The following PXDC1 variants were observed in gnomAD, a reference collection of about 807,000 sequenced individuals.
PXDC1 encodes the protein PX domain-containing protein 1.
In PXDC1, 13 loss-of-function variants were observed where a neutral mutation model predicts 24.4. The ratio of observed to expected loss-of-function variants is 0.53; its 90% CI spans 0.35 to 0.85. The LOEUF is 0.85. Among genes scored for constraint, PXDC1 ranks in the 40% least tolerant of loss-of-function variants. The pLI is 0.01. For synonymous variants in PXDC1, 162 were observed against 124.9 expected (o/e 1.30, Z -1.98); for missense variants, 344 against 309.3 (o/e 1.11, Z -0.84).
In PXDC1 at chr6:3,751,615, G is replaced by A. The variant is rs973099735; in HGVS notation, c.-84C>T. The A allele has an allele frequency of 1.4e-6, 2 of 1,387,808 alleles. No individual in the cohort carries two copies. Among genetic ancestry groups the A allele is most frequent in the African/African-American group, 1.5e-5 (1 of 65,258 alleles). The allele number at this position is 1,387,808 out of a possible 1,614,324, so 86.0% of individuals were successfully genotyped here. ...GGCGCGCCCCGGCCGGGGTCGTCCCGGGTCTGTCCGTGGCCGGGGTCGTCC... is the reference window on the plus strand; with the variant it reads ...GGCGCGCCCCGGCCGGGGTCGTCCCAGGTCTGTCCGTGGCCGGGGTCGTCC... On this transcript the variant is annotated 5_prime_UTR_variant, in exon 1 of 5. Transcript: ENST00000380283.
At chr6:3,743,766 G>A (rs1002102877) in intron 1 of PXDC1, among the ~76,000 whole-genome samples, 4 of 152,212 alleles carry the variant, frequency 2.6e-5, no homozygotes, top group Non-Finnish European at 5.9e-5. Context: ...TACAAGGAGA[G>A]CGAGATTGCG....
In PXDC1 at chr6:3,723,487, G is replaced by A; in HGVS notation, c.*132C>T. 1.4e-6 allele frequency: 1 copy of A among 727,982 alleles called. No homozygotes were observed. The highest frequency in any genetic ancestry group is 2.4e-6 in the Non-Finnish European group (1 of 411,742). The allele number at this position is 727,982 out of a possible 1,614,324, so 45.1% of individuals were successfully genotyped here. A position where few individuals can be genotyped will look rare whatever the true frequency, so the allele number is the denominator to read the frequency against. On this transcript the variant is annotated 3_prime_UTR_variant, in exon 5 of 5. Coordinates refer to ENST00000380283, the MANE Select transcript of PXDC1 (RefSeq NM_183373.4). ...CACTTGCAGGACACCCAGGCCTCCT[G>A]GCGTCAGTGGGGCCTGGGACGTCTG...
chr6:3,724,298 C>T lies in PXDC1; in HGVS notation c.579-562G>A, dbSNP rs926928391. 1.3e-5 allele frequency among the ~76,000 whole-genome samples: 2 copies of T among 152,036 alleles called. No homozygotes were observed. The highest frequency in any genetic ancestry group is 1.5e-5 in the Non-Finnish European group (1 of 67,986). On this transcript the variant is annotated intron_variant, in intron 4 of 4. Coordinates refer to ENST00000380283, the MANE Select transcript of PXDC1 (RefSeq NM_183373.4). This position sits in a 1 kb window ranked among gnomAD's most constrained non-coding sequence, Gnocchi z 4.5. ...GGTACGTGTTTCATTCGCGCTCTGG[C>T]AGATGAGAAGCATCCGAACATGGGG...
chr6:3,730,084 G>A (rs901139196), intron 3 of PXDC1, among the ~76,000 whole-genome samples: 1 of 152,232 alleles, frequency 6.6e-6, no homozygotes, highest in African/African-American at 2.4e-5. Context: ...GCTGGGCCCT[G>A]AAGGACACTA....
At chr6:3,741,138 G>A (rs1016056042) in intron 1 of PXDC1, among the ~76,000 whole-genome samples, 6 of 152,220 alleles carry the variant, frequency 3.9e-5, no homozygotes, top group Non-Finnish European at 8.8e-5. Flanking sequence ...AGACACAACC[G>A]ACCAGCAGCA....
chr6:3,729,132 G>T (rs1760139115), intron 3 of PXDC1, among the ~76,000 whole-genome samples: 1 of 151,994 alleles, frequency 6.6e-6, no homozygotes, highest in Non-Finnish European at 1.5e-5. Flanking sequence ...GTTGCTTGGG[G>T]GACTGTTTTC....
rs1172562653 is a variant in PXDC1 at position 3,728,659 on chromosome 6, A to G, written c.467-997T>C. Among the ~76,000 whole-genome samples the G allele has an allele frequency of 1.3e-5, 2 of 152,172 alleles. No homozygotes were observed. The highest frequency in any genetic ancestry group is 6.5e-5 in the Admixed American group (1 of 15,286). ...TGGCCTTGGGACTCAGTTTCCTCCAATGAAAAATTTCAAAGTTGTATTAAT... is the reference window on the plus strand; with the variant it reads ...TGGCCTTGGGACTCAGTTTCCTCCAGTGAAAAATTTCAAAGTTGTATTAAT... On this transcript the variant is annotated intron_variant, in intron 3 of 4. Coordinates refer to ENST00000380283, the MANE Select transcript of PXDC1 (RefSeq NM_183373.4). This position sits in a 1 kb window ranked among gnomAD's most constrained non-coding sequence, Gnocchi z 4.0.
rs995405933 is a variant in PXDC1 at position 3,737,061 on chromosome 6, C to T, written c.466+18G>A. The T allele has an allele frequency of 6.7e-7, 1 of 1,484,752 alleles. No homozygotes were observed. Among genetic ancestry groups the T allele is most frequent in the Non-Finnish European group, 9.4e-7 (1 of 1,061,874 alleles). The allele number at this position is 1,484,752 out of a possible 1,614,324, so 92.0% of individuals were successfully genotyped here. A position where few individuals can be genotyped will look rare whatever the true frequency, so the allele number is the denominator to read the frequency against. ...CAACAGCAGTCCCTCCCACCAACGCCTCCTTTGTGGCTCTTACCTGATATT... is the reference window on the plus strand; with the variant it reads ...CAACAGCAGTCCCTCCCACCAACGCTTCCTTTGTGGCTCTTACCTGATATT... On this transcript the variant is annotated intron_variant, in intron 3 of 4. Coordinates refer to ENST00000380283, the MANE Select transcript of PXDC1 (RefSeq NM_183373.4). The surrounding 1 kb of genome is among the most constrained non-coding windows in gnomAD (Gnocchi z 5.5).
At chr6:3,746,661 T>C (rs1760578496) in intron 1 of PXDC1, among the ~76,000 whole-genome samples, 1 of 152,156 alleles carries the variant, frequency 6.6e-6, no homozygotes, top group African/African-American at 2.4e-5. Flanking sequence ...GGTGCCTCTG[T>C]GCCCCTGCTC....
At chr6:3,746,220 A>AG (rs1280085426) in intron 1 of PXDC1, among the ~76,000 whole-genome samples, 3 of 152,078 alleles carry the variant, frequency 2.0e-5, no homozygotes, top group Non-Finnish European at 4.4e-5. Flanking sequence ...CCTGGGGCCC[A>AG]GGGGCTCAGT....
Position 3,724,174 on chromosome 6 carries a change from G to A in PXDC1, c.579-438C>T, listed in dbSNP as rs1337520256. Reference sequence around the variant, plus strand: ...ACCGCAGCAGAGATGACACACGGACGCACAGGAGGCTGCGAGGGAACAGGA... The same window carrying A: ...ACCGCAGCAGAGATGACACACGGACACACAGGAGGCTGCGAGGGAACAGGA... On this transcript the variant is annotated intron_variant, in intron 4 of 4. Transcript: ENST00000380283. This position sits in a 1 kb window ranked among gnomAD's most constrained non-coding sequence, Gnocchi z 4.5. 2.6e-5 allele frequency among the ~76,000 whole-genome samples: 4 copies of A among 152,164 alleles called. No individual in the cohort carries two copies. The highest frequency in any genetic ancestry group is 4.4e-5 in the Non-Finnish European group (3 of 68,038).
rs1412448794 is a variant in PXDC1, at chr6:3,724,314, G to A, written c.579-578C>T. 1.3e-5 allele frequency among the ~76,000 whole-genome samples: 2 copies of A among 152,092 alleles called. No individual in the cohort carries two copies. The highest frequency in any genetic ancestry group is 6.5e-5 in the Admixed American group (1 of 15,278). ...GCGCTCTGGCAGATGAGAAGCATCC[G>A]AACATGGGGGACTTACATGGGGTGT... On this transcript the variant is annotated intron_variant, in intron 4 of 4. Transcript: ENST00000380283. This position sits in a 1 kb window ranked among gnomAD's most constrained non-coding sequence, Gnocchi z 4.5.
intron 1 of PXDC1, among the ~76,000 whole-genome samples, chr6:3,749,533 G>A (rs1220698194): frequency 6.6e-6 from 1 of 150,454 alleles, no homozygotes; most frequent in Non-Finnish European, 1.5e-5. Flanking sequence ...CGGAGCCAGG[G>A]TGTGTGCAGG....
chr6:3,731,227 T>C (rs2127598650), intron 3 of PXDC1, among the ~76,000 whole-genome samples: 2 of 152,352 alleles, frequency 1.3e-5, no homozygotes, highest in Middle Eastern at 3.4e-3. Flanking sequence ...CTGAAATTGA[T>C]GAGTCCAAAC....
In PXDC1 at chr6:3,723,190, G is replaced by A. The variant is rs116532035; in HGVS notation, c.*429C>T. 976 of 168,776 alleles carry A rather than the reference G, an allele frequency of 5.8e-3. 12 individuals are homozygous for A. Among genetic ancestry groups the A allele is most frequent in the African/African-American group, 0.021 (907 of 42,326 alleles). The allele number at this position is 168,776 out of a possible 1,614,324, so 10.5% of individuals were successfully genotyped here. On this transcript the variant is annotated 3_prime_UTR_variant, in exon 5 of 5. Coordinates refer to ENST00000380283, the MANE Select transcript of PXDC1 (RefSeq NM_183373.4). The stretch of plus-strand genomic sequence containing the variant: ...GACTTGTCAAAATCTCCCTCAAGAC[G>A]TTTTGTGCGTTTGCCGTGGGAGGGA...
intron 4 of PXDC1, among the ~76,000 whole-genome samples, chr6:3,726,212 C>A (rs187200892): frequency 1.1e-4 from 17 of 152,344 alleles, no homozygotes; most frequent in African/African-American, 4.1e-4. Flanking sequence ...CTCCCCAAGA[C>A]AGTGCCTGGC....
intron 3 of PXDC1, among the ~76,000 whole-genome samples, chr6:3,732,991 G>C (rs1020370259): frequency 6.6e-6 from 1 of 152,236 alleles, no homozygotes; most frequent in Non-Finnish European, 1.5e-5. Flanking sequence ...CACAGTCCAT[G>C]CAACGGCTGG....
chr6:3,737,655 C>T lies in PXDC1; in HGVS notation c.348+402G>A. 1 of 985,418 alleles carries T rather than the reference C, an allele frequency of 1.0e-6. No individual in the cohort carries two copies. Among genetic ancestry groups the T allele is most frequent in the Non-Finnish European group, 1.2e-6 (1 of 829,906 alleles). 61.0% of individuals were successfully genotyped at this position (985,418 alleles called of 1,614,324 possible). A position where few individuals can be genotyped will look rare whatever the true frequency, so the allele number is the denominator to read the frequency against. On this transcript the variant is annotated intron_variant, in intron 2 of 4. Transcript: ENST00000380283. This position sits in a 1 kb window ranked among gnomAD's most constrained non-coding sequence, Gnocchi z 5.5. Reference sequence around the variant, plus strand: ...TGACGGTCAAATCCGGGCAACGTGCCCCGCTGTGCTGACGCCAACGTTCTT... The same window carrying T: ...TGACGGTCAAATCCGGGCAACGTGCTCCGCTGTGCTGACGCCAACGTTCTT...
chr6:3,723,452 C>G lies in PXDC1; in HGVS notation c.*167G>C. ...CGGTCAGCCTGGCCCACTAGGAGCC[C>G]CTGCTGCTCCACTTGCAGGACACCC... On this transcript the variant is annotated 3_prime_UTR_variant, in exon 5 of 5. Transcript: ENST00000380283. 1.5e-6 allele frequency: 1 copy of G among 657,702 alleles called. No homozygotes were observed. The allele number at this position is 657,702 out of a possible 1,614,324, so 40.7% of individuals were successfully genotyped here. A position where few individuals can be genotyped will look rare whatever the true frequency, so the allele number is the denominator to read the frequency against.
Sources: allele counts gnomAD v4.1 joint callset (sites outside exome capture counted in the v4.1 genomes callset), GRCh38; gene constraint gnomAD v4.1.1; non-coding constraint Gnocchi (gnomAD v3.1); transcripts MANE v1.5; gene names NCBI Gene and HGNC (gene_info 2026-07-23, HGNC 2026-07-21).